The following NRXN1 variants were observed in gnomAD, a reference collection of about 807,000 sequenced individuals.
NRXN1 encodes neurexin-1.
A neutral mutation model predicts 150.9 loss-of-function variants in NRXN1; 39 were observed. That is an observed-to-expected ratio of 0.26 (90% CI 0.20 to 0.34). The LOEUF (loss-of-function observed/expected upper bound fraction) is 0.34. Among genes scored for constraint, NRXN1 ranks in the 10% least tolerant of loss-of-function variants. The probability of loss-of-function intolerance (pLI) is 1.00; values close to 1 mark genes in which losing one functional copy is unlikely to be tolerated. For synonymous variants in NRXN1, 924 were observed against 757.0 expected (o/e 1.22, Z -3.62); for missense variants, 1,815 against 1,949.9 (o/e 0.93, Z 1.30).
At chr2:50,480,043 G>A (rs1038607267) in intron 15 of NRXN1, among the ~76,000 whole-genome samples, 6 of 152,082 alleles carry the variant, frequency 3.9e-5, no homozygotes, top group African/African-American at 2.4e-5. Flanking sequence ...AAAGTGCTGG[G>A]ATTACAGGCG....
rs1677831268 is a variant in NRXN1, at chr2:50,871,878, T to C, written c.832+49991A>G. ...ATTCCACATATTAAAATTTAGAGTA[T>C]TTTAAAGCCCTTGGTATATAATGTT... On this transcript the variant is annotated intron_variant, in intron 5 of 22. Coordinates refer to ENST00000401669, the MANE Select transcript of NRXN1 (RefSeq NM_001330078.2). Among the ~76,000 whole-genome samples the C allele has an allele frequency of 3.3e-5, 5 of 151,890 alleles. No individual in the cohort carries two copies. The South Asian group carries it at 1.0e-3, about 31-fold the overall frequency.
At chr2:50,013,731 T>C (rs1686090942) in intron 21 of NRXN1, among the ~76,000 whole-genome samples, 1 of 152,148 alleles carries the variant, frequency 6.6e-6, no homozygotes. Flanking sequence ...TGGTACCAAG[T>C]GGCAATAACA....
chr2:50,082,168 T>C (rs1186857548), intron 19 of NRXN1, among the ~76,000 whole-genome samples: 1 of 152,226 alleles, frequency 6.6e-6, no homozygotes, highest in Non-Finnish European at 1.5e-5. Flanking sequence ...ATATCTGACA[T>C]GATTAATTCA....
At chr2:50,399,986 G>A (rs746105289) in intron 17 of NRXN1, among the ~76,000 whole-genome samples, 6 of 151,806 alleles carry the variant, frequency 4.0e-5, no homozygotes, top group Non-Finnish European at 8.8e-5. Flanking sequence ...TTGTGGTTAG[G>A]AGACATGAGT....
At chr2:50,482,855 G>T (rs1004879773) in intron 15 of NRXN1, among the ~76,000 whole-genome samples, 1 of 151,738 alleles carries the variant, frequency 6.6e-6, no homozygotes, top group Non-Finnish European at 1.5e-5. Context: ...CAGCACTTTG[G>T]GAGGCTGTGG....
chr2:50,644,172 T>C (rs1021962434), intron 5 of NRXN1, among the ~76,000 whole-genome samples: 4 of 151,774 alleles, frequency 2.6e-5, no homozygotes, highest in Non-Finnish European at 4.4e-5. Flanking sequence ...AAAAACTTAA[T>C]GATTTAAACA....
At chr2:50,068,556 T>C (rs1484527699) in intron 19 of NRXN1, among the ~76,000 whole-genome samples, 3 of 152,216 alleles carry the variant, frequency 2.0e-5, no homozygotes, top group Non-Finnish European at 4.4e-5. Flanking sequence ...GCTGGATCAG[T>C]AGCATAACAT....
chr2:50,900,785 C>T (rs1403404706), intron 5 of NRXN1, among the ~76,000 whole-genome samples: 5 of 152,084 alleles, frequency 3.3e-5, no homozygotes, highest in Admixed American at 6.6e-5. Flanking sequence ...TAAGAGAAAC[C>T]AGCTAAAGCA....
intron 2 of NRXN1, among the ~76,000 whole-genome samples, chr2:51,026,865 C>T (rs1325184258): frequency 6.6e-6 from 1 of 152,158 alleles, no homozygotes; most frequent in African/African-American, 2.4e-5. Flanking sequence ...TCCAAAAAGC[C>T]TCCTGCTAAT....
chr2:50,300,840 C>T lies in NRXN1; in HGVS notation c.3365-63870G>A, dbSNP rs139862663. Among the ~76,000 whole-genome samples, 6 of 152,190 alleles carry T rather than the reference C, an allele frequency of 3.9e-5. No homozygotes were observed. In the East Asian group the frequency reaches 5.8e-4, roughly 15 times the overall value. On this transcript the variant is annotated intron_variant, in intron 17 of 22. Coordinates refer to ENST00000401669, the MANE Select transcript of NRXN1 (RefSeq NM_001330078.2). ...CCTCCTGAGTAGCCGGGATTACAGG[C>T]GCCTGGCACCACGCCTGGCTAATTT...
intron 17 of NRXN1, among the ~76,000 whole-genome samples, chr2:50,350,074 T>C (rs10200547): frequency 0.026 from 3,999 of 152,252 alleles, 150 homozygotes; most frequent in African/African-American, 0.09. Context: ...TACTGAACCA[T>C]TGCTCCCATG....
chr2:50,675,427 G>T (rs1689412184), intron 5 of NRXN1, among the ~76,000 whole-genome samples: 1 of 152,130 alleles, frequency 6.6e-6, no homozygotes, highest in South Asian at 2.1e-4. Context: ...GACTACAACT[G>T]CTTGGAAAGC....
At chr2:50,914,423 C>T (rs182168137) in intron 5 of NRXN1, among the ~76,000 whole-genome samples, 2 of 151,732 alleles carry the variant, frequency 1.3e-5, no homozygotes, top group Non-Finnish European at 3.0e-5. Context: ...TATTCAGAAG[C>T]CAAACTTCCA....
At chr2:50,833,044 G>T (rs985794873) in intron 5 of NRXN1, among the ~76,000 whole-genome samples, 1 of 152,046 alleles carries the variant, frequency 6.6e-6, no homozygotes. Flanking sequence ...AGGCTATATG[G>T]GGGCAAATAA....
chr2:50,896,097 G>A (rs1203940202), intron 5 of NRXN1, among the ~76,000 whole-genome samples: 2 of 152,112 alleles, frequency 1.3e-5, no homozygotes, highest in South Asian at 4.1e-4. Flanking sequence ...GCACAAGATA[G>A]TAGAGGGGAT....
intron 17 of NRXN1, among the ~76,000 whole-genome samples, chr2:50,355,913 T>C (rs536842004): frequency 5.9e-5 from 9 of 152,276 alleles, no homozygotes; most frequent in South Asian, 2.1e-4. Flanking sequence ...TATAGGTTTA[T>C]TGGTGAGTTA....
intron 18 of NRXN1, among the ~76,000 whole-genome samples, chr2:50,184,443 G>C (rs1274918115): frequency 6.6e-6 from 1 of 151,904 alleles, no homozygotes; most frequent in Non-Finnish European, 1.5e-5. Context: ...CTTAAAGAGA[G>C]AGTACTATTT....
At chr2:50,691,786 C>A (rs1004278288) in intron 5 of NRXN1, among the ~76,000 whole-genome samples, 4 of 152,066 alleles carry the variant, frequency 2.6e-5, no homozygotes, top group Admixed American at 2.6e-4. Flanking sequence ...AGGGCTGACT[C>A]GGGGATGCTT....
intron 17 of NRXN1, among the ~76,000 whole-genome samples, chr2:50,403,434 C>T (rs1851013): frequency 0.5 from 76,547 of 151,910 alleles, 21,091 homozygotes; most frequent in East Asian, 0.8. Context: ...GTAATTCTTA[C>T]ATATGTTCAG....
Sources: gnomAD v4.1 joint callset for allele counts (sites outside exome capture counted in the v4.1 genomes callset) on GRCh38, gnomAD v4.1.1 for gene constraint, MANE v1.5 for transcripts, NCBI Gene and HGNC (gene_info 2026-07-23, HGNC 2026-07-21) for gene names.